HDGFL2: variants seen among roughly 807,000 people sequenced by gnomAD.
HDGFL2 encodes hepatoma-derived growth factor-related protein 2.
Under a neutral mutation model 77.1 loss-of-function variants are expected in HDGFL2, and 36 were observed. The ratio of observed to expected loss-of-function variants is 0.47; its 90% confidence interval spans 0.36 to 0.62. The LOEUF (loss-of-function observed/expected upper bound fraction) is 0.62. Among genes scored for constraint, HDGFL2 ranks in the 20% least tolerant of loss-of-function variants. HDGFL2 has a pLI of 0.00. For synonymous variants in HDGFL2, 463 were observed against 413.1 expected, an observed-to-expected ratio of 1.12 and a Z score of -1.46; for missense variants, 976 against 973.4, an observed-to-expected ratio of 1.00 and a Z score of -0.04.
At chr19:4,485,775 G>A (rs1177213094) in intron 3 of HDGFL2, among the ~76,000 whole-genome samples, 8 of 148,470 alleles carry the variant, frequency 5.4e-5, no homozygotes, top group African/African-American at 1.2e-4. Flanking sequence ...CGTGGGGTGC[G>A]GTAGCTCACA....
Position 4,499,603 on chromosome 19 carries a change from A to G in HDGFL2, c.1688A>G (p.Lys563Arg). ...PKIEAVQKVN[K>R]AGMEKEKAEE... ...ATCGAGGCGGTGCAGAAAGTGAACA[A>G]GGCTGGGATGGAGAAGGAGAAGGCC... is the stretch of plus-strand genomic sequence containing the variant. The change falls in exon 14 of 16, where the codon AAG becomes AGG. Residue 563 changes from lysine to arginine, a missense_variant. This residue lies in a region of HDGFL2 where 229 missense variants were observed against 187.3 expected (regional missense o/e 1.22). Transcript: ENST00000616600. 6.2e-7 allele frequency: 1 copy of G among 1,608,984 alleles called. No individual in the cohort carries two copies. The highest frequency in any genetic ancestry group is 8.5e-7 in the Non-Finnish European group (1 of 1,177,720).
intron 3 of HDGFL2, among the ~76,000 whole-genome samples, chr19:4,481,296 T>C (rs1233862298): frequency 6.6e-6 from 1 of 151,760 alleles, no homozygotes; most frequent in African/African-American, 2.4e-5. Context: ...ATTCATGCTA[T>C]TCTCCTGCCT....
At chr19:4,493,405 T>C (rs1051167663) in intron 6 of HDGFL2, among the ~76,000 whole-genome samples, 2 of 151,988 alleles carry the variant, frequency 1.3e-5, no homozygotes, top group South Asian at 2.1e-4. Context: ...CACAAGATTT[T>C]GCATAAAGAA....
chr19:4,476,936 A>G (rs1325615339), intron 3 of HDGFL2, among the ~76,000 whole-genome samples: 8 of 151,486 alleles, frequency 5.3e-5, no homozygotes, highest in Admixed American at 5.3e-4. Context: ...GGGGGGCATG[A>G]ATTTGGCGGG....
intron 7 of HDGFL2, 21 bp from the exon 8 acceptor site, chr19:4,493,961 C>G: frequency 6.3e-7 from 1 of 1,599,920 alleles, no homozygotes; most frequent in Non-Finnish European, 8.5e-7. Flanking sequence ...GGAAGGTCAC[C>G]CCCTCCTCCT....
intron 3 of HDGFL2, among the ~76,000 whole-genome samples, chr19:4,483,205 AGGGAGACAAAACGTGCTCG>A (rs1314139174): frequency 2.0e-5 from 3 of 152,242 alleles, no homozygotes; most frequent in African/African-American, 7.2e-5. Context: ...CGAAGACACA[AGGGAGACAAAACGTGCTCG>A]GGCCGAGCGG....
At chr19:4,498,249 C>T (rs1371505592) in intron 11 of HDGFL2, 57 bp from the exon 12 acceptor site, 3 of 1,486,862 alleles carry the variant, frequency 2.0e-6, no homozygotes, top group Non-Finnish European at 1.9e-6. Context: ...TGCCCTTGAA[C>T]AGCTGGCCCC....
intron 3 of HDGFL2, among the ~76,000 whole-genome samples, chr19:4,478,704 C>T (rs1466229658): frequency 2.7e-5 from 4 of 147,364 alleles, no homozygotes; most frequent in African/African-American, 7.5e-5. Flanking sequence ...TTTTTTCAGA[C>T]GGTGTCTCAC....
chr19:4,497,202 T>A (rs72973994), intron 10 of HDGFL2: 3 of 400,036 alleles, frequency 7.5e-6, no homozygotes, highest in Non-Finnish European at 1.4e-5. Context: ...TTGTTTTTGT[T>A]TTTTTTTGAG....
chr19:4,474,068 G>T (rs1975009876), intron 1 of HDGFL2, among the ~76,000 whole-genome samples: 2 of 152,048 alleles, frequency 1.3e-5, no homozygotes, highest in Non-Finnish European at 2.9e-5. Context: ...GGCCCTGAGA[G>T]GTACAGGCCA....
intron 4 of HDGFL2, among the ~76,000 whole-genome samples, 191 bp from the exon 5 acceptor site, chr19:4,491,375 C>T (rs1362117832): frequency 6.6e-6 from 1 of 151,044 alleles, no homozygotes; most frequent in Non-Finnish European, 1.5e-5. Context: ...CTTTTTGTGA[C>T]TGGCTTCTTT....
In HDGFL2 at chr19:4,498,951, G is replaced by A. The variant is rs370870072; in HGVS notation, c.1575+36G>A. ...GGAATCAGAGGCGCAGGGTGCAGTC[G>A]GGGGAGCTGGGAGCAAGTGCCTGCC... is the stretch of plus-strand genomic sequence containing the variant. On this transcript the variant is annotated intron_variant, in intron 13 of 15. Transcript: ENST00000616600. 1.8e-4 allele frequency: 255 copies of A among 1,455,962 alleles called. 2 individuals are homozygous for A. Among genetic ancestry groups the A allele is most frequent in the African/African-American group, 2.1e-4 (15 of 71,418 alleles). The allele number at this position is 1,455,962 out of a possible 1,614,324, so 90.2% of individuals were successfully genotyped here. A position where few individuals can be genotyped will look rare whatever the true frequency, so the allele number is the denominator to read the frequency against.
intron 10 of HDGFL2, chr19:4,497,724 A>G (rs895781789): frequency 3.6e-5 from 20 of 553,406 alleles, no homozygotes; most frequent in Non-Finnish European, 5.1e-5. Flanking sequence ...CTGGGATTTC[A>G]TGAGAACTCG....
At chr19:4,472,455 G>GC (rs762366436) in intron 1 of HDGFL2, 33 bp downstream of exon 1, 16 of 482,494 alleles carry the variant, frequency 3.3e-5, no homozygotes, top group East Asian at 1.9e-4. Context: ...GCCGGTGGGG[G>GC]GGGGGGGGGG....
At chr19:4,474,722 C>A (rs755212490) in intron 1 of HDGFL2, among the ~76,000 whole-genome samples, 37 of 152,120 alleles carry the variant, frequency 2.4e-4, no homozygotes, top group Non-Finnish European at 8.8e-5. Context: ...CTCTCCTAGC[C>A]CCAAACGTTT....
At chr19:4,496,210 GTCGAGCTGCA>G (rs1217895163) in intron 9 of HDGFL2, 82 bp from the exon 10 acceptor site, 1 of 1,033,326 alleles carries the variant, frequency 9.7e-7, no homozygotes, top group African/African-American at 1.6e-5. Context: ...GACAGAAAGG[GTCGAGCTGCA>G]TCTCCTGGTA....
intron 3 of HDGFL2, among the ~76,000 whole-genome samples, chr19:4,477,751 G>A (rs1568203822): frequency 6.6e-6 from 1 of 152,140 alleles, no homozygotes; most frequent in Non-Finnish European, 1.5e-5. Flanking sequence ...TAGCTTCTCT[G>A]GCCCATCTAT....
Position 4,475,478 on chromosome 19 carries a change from C to T in HDGFL2, c.183C>T (p.Tyr61=), listed in dbSNP as rs1270685195. 6 of 1,611,272 alleles carry T rather than the reference C, an allele frequency of 3.7e-6. No individual in the cohort carries two copies. Among genetic ancestry groups the T allele is most frequent in the Non-Finnish European group, 3.4e-6 (4 of 1,179,326 alleles). The change falls in exon 3 of 16, where the codon TAC becomes TAT. Residue 61 remains tyrosine, a synonymous_variant. Transcript: ENST00000616600. ...AFLGPKDLFP[Y]DKCKDKYGKP... is the part of the protein sequence containing the mutation. The stretch of plus-strand genomic sequence containing the variant: ...TGGGACCCAAGGACCTGTTCCCCTA[C>T]GACAAATGTAAAGACAAGTACGGGA...
At chr19:4,475,891 C>CTT (rs34722390) in intron 3 of HDGFL2, among the ~76,000 whole-genome samples, 3 of 136,806 alleles carry the variant, frequency 2.2e-5, no homozygotes, top group Admixed American at 7.2e-5. Flanking sequence ...GTCCAAGTTT[C>CTT]TTTTTTTTTT....
Sources: gnomAD v4.1 joint callset for allele counts (sites outside exome capture counted in the v4.1 genomes callset) on GRCh38, gnomAD v4.1.1 for gene constraint, gnomAD v4.1.1 regional missense constraint, MANE v1.5 for transcripts, NCBI Gene and HGNC (gene_info 2026-07-23, HGNC 2026-07-21) for gene names.